The following GPR39 variants were observed in gnomAD, a reference collection of about 807,000 sequenced individuals.
GPR39 encodes the protein G protein-coupled receptor 39.
A neutral mutation model predicts 18.4 loss-of-function variants in GPR39; 23 were observed. The observed-to-expected ratio is 1.25, with a 90% CI of 0.90 to 1.77. GPR39 has a LOEUF of 1.77. Among genes scored for constraint, GPR39 ranks in the 40% most tolerant of loss-of-function variants. The pLI is 0.00. For missense variants in GPR39, 647 were observed against 602.4 expected (o/e 1.07, Z -0.78); for synonymous variants, 280 against 257.9 (o/e 1.09, Z -0.82).
chr2:132,590,900 AC>A (rs1385837414), intron 1 of GPR39, among the ~76,000 whole-genome samples: 1 of 151,726 alleles, frequency 6.6e-6, no homozygotes. Flanking sequence ...GGAGAGACAG[AC>A]CCACCCTCAA....
chr2:132,567,601 T>G (rs562483384), intron 1 of GPR39, among the ~76,000 whole-genome samples: 1 of 152,284 alleles, frequency 6.6e-6, no homozygotes, highest in Admixed American at 6.5e-5. Flanking sequence ...TTTCTTTTCT[T>G]TATAAATTAC....
chr2:132,576,152 A>G (rs1409482343), intron 1 of GPR39, among the ~76,000 whole-genome samples: 1 of 152,112 alleles, frequency 6.6e-6, no homozygotes. Context: ...TTCTAATTGA[A>G]TTATTTCTTT....
chr2:132,483,705 T>C (rs1415584976), intron 1 of GPR39, among the ~76,000 whole-genome samples: 1 of 152,076 alleles, frequency 6.6e-6, no homozygotes, highest in Non-Finnish European at 1.5e-5. Context: ...CATCACAAAA[T>C]CTCCAAAATG....
chr2:132,503,526 A>G (rs1679083209), intron 1 of GPR39, among the ~76,000 whole-genome samples: 1 of 152,052 alleles, frequency 6.6e-6, no homozygotes. Flanking sequence ...TATTTAGTGC[A>G]CTGGTTTTGT....
chr2:132,554,767 G>T (rs1680116618), intron 1 of GPR39, among the ~76,000 whole-genome samples: 1 of 152,192 alleles, frequency 6.6e-6, no homozygotes, highest in Non-Finnish European at 1.5e-5. Context: ...ATCTGCACAA[G>T]CATTTTCTCC....
intron 1 of GPR39, among the ~76,000 whole-genome samples, chr2:132,538,835 C>A (rs73957917): frequency 0.1 from 15,846 of 152,168 alleles, 1,038 homozygotes; most frequent in African/African-American, 0.17. Flanking sequence ...CTGCTCAGTC[C>A]AAACCTCTCA....
intron 1 of GPR39, among the ~76,000 whole-genome samples, chr2:132,431,481 T>A (rs1055051602): frequency 2.0e-5 from 3 of 152,264 alleles, no homozygotes; most frequent in African/African-American, 7.2e-5. Context: ...TAGTTTCACA[T>A]TGGAATGCTG....
intron 1 of GPR39, among the ~76,000 whole-genome samples, chr2:132,581,828 T>C (rs989763509): frequency 3.3e-5 from 5 of 152,230 alleles, no homozygotes; most frequent in African/African-American, 1.2e-4. Context: ...TTGGGGCCCA[T>C]CTTTCAGGGC....
chr2:132,536,346 A>T (rs1212036688), intron 1 of GPR39, among the ~76,000 whole-genome samples: 1 of 152,198 alleles, frequency 6.6e-6, no homozygotes, highest in African/African-American at 2.4e-5. Flanking sequence ...ATTCAAGAGC[A>T]GGTTGTTCAA....
At position 132,516,284 on chromosome 2, in the gene GPR39, C is replaced by T. The variant is rs138840094; in HGVS notation, c.856+98386C>T. 3.4e-3 allele frequency among the ~76,000 whole-genome samples: 518 copies of T among 152,270 alleles called. 1 individual carries two copies. Among genetic ancestry groups the T allele is most frequent in the Middle Eastern group, 0.017 (5 of 294 alleles). The stretch of plus-strand genomic sequence containing the variant: ...GTTCTCTGGCTAATTCAGAGCTTCT[C>T]ATCAGACAACGGGTCTCTAGGAATG... On this transcript the variant is annotated intron_variant, in intron 1 of 1. Coordinates refer to ENST00000329321, the MANE Select transcript of GPR39 (RefSeq NM_001508.3).
chr2:132,436,128 G>A (rs929890504), intron 1 of GPR39, among the ~76,000 whole-genome samples: 5 of 146,358 alleles, frequency 3.4e-5, no homozygotes, highest in African/African-American at 1.3e-4. Flanking sequence ...TTTGACCTTT[G>A]TCCTGTGAGA....
chr2:132,521,193 C>CA (rs1679420233), intron 1 of GPR39, among the ~76,000 whole-genome samples: 1 of 152,184 alleles, frequency 6.6e-6, no homozygotes, highest in South Asian at 2.1e-4. Flanking sequence ...GACAGCCACC[C>CA]AGTGGCCTCT....
In GPR39 at chr2:132,516,074, C is replaced by G. The variant is rs192166142; in HGVS notation, c.856+98176C>G. ...ACGGAAAGATCTTACTTTTTCTCCT[C>G]TGTCCTTTGTTTCTGCTTTCTGGGT... On this transcript the variant is annotated intron_variant, in intron 1 of 1. Coordinates refer to ENST00000329321, the MANE Select transcript of GPR39 (RefSeq NM_001508.3). 1.6e-4 allele frequency among the ~76,000 whole-genome samples: 25 copies of G among 152,308 alleles called. No homozygotes were observed. The East Asian group carries it at 3.5e-3, about 21-fold the overall frequency.
chr2:132,518,459 T>G (rs1017654908), intron 1 of GPR39, among the ~76,000 whole-genome samples: 1 of 152,198 alleles, frequency 6.6e-6, no homozygotes, highest in Non-Finnish European at 1.5e-5. Context: ...CTGCGAGTAA[T>G]GTGTGTTTGA....
intron 1 of GPR39, among the ~76,000 whole-genome samples, chr2:132,436,442 A>G (rs1413360448): frequency 2.0e-5 from 3 of 152,166 alleles, no homozygotes; most frequent in Admixed American, 6.5e-5. Flanking sequence ...ATGGTAACCA[A>G]TTGTCCCCAG....
In GPR39 at chr2:132,549,875, T is replaced by G. The variant is rs6744225; in HGVS notation, c.857-95226T>G. Among the ~76,000 whole-genome samples the G allele has an allele frequency of 8.8e-3, 1,344 of 152,316 alleles. 20 individuals are homozygous for G. Among genetic ancestry groups the G allele is most frequent in the African/African-American group, 0.031 (1,272 of 41,568 alleles). On this transcript the variant is annotated intron_variant, in intron 1 of 1. Coordinates refer to ENST00000329321, the MANE Select transcript of GPR39 (RefSeq NM_001508.3). ...GGCCTAGAACATGACTTCTTTATTG[T>G]TAACCTATGTTGATGCCAAGAGATC...
chr2:132,440,491 G>A (rs1245612646), intron 1 of GPR39, among the ~76,000 whole-genome samples: 2 of 152,130 alleles, frequency 1.3e-5, no homozygotes, highest in Non-Finnish European at 2.9e-5. Context: ...TATAAGTTGG[G>A]TGACAGATTG....
chr2:132,614,007 G>A (rs1443095512), intron 1 of GPR39, among the ~76,000 whole-genome samples: 1 of 152,126 alleles, frequency 6.6e-6, no homozygotes, highest in Non-Finnish European at 1.5e-5. Flanking sequence ...AGAATGAGTT[G>A]GGTAGCAACT....
Position 132,497,127 on chromosome 2 carries a change from T to C in GPR39, c.856+79229T>C, listed in dbSNP as rs183442601. 2.6e-5 allele frequency among the ~76,000 whole-genome samples: 4 copies of C among 152,302 alleles called. No individual in the cohort carries two copies. The East Asian group carries it at 7.7e-4, about 29-fold the overall frequency. The stretch of plus-strand genomic sequence containing the variant: ...TTTTCCAGAGGAGCACATCCTGATG[T>C]GTGTGTGGGCAGGCGTGTGGCTCTC... On this transcript the variant is annotated intron_variant, in intron 1 of 1. Transcript: ENST00000329321.
Sources: gnomAD v4.1 joint callset for allele counts (sites outside exome capture counted in the v4.1 genomes callset) on GRCh38, gnomAD v4.1.1 for gene constraint, MANE v1.5 for transcripts, NCBI Gene and HGNC (gene_info 2026-07-23, HGNC 2026-07-21) for gene names.